The following TXNRD3 variants were observed in gnomAD, a reference collection of about 807,000 sequenced individuals.
TXNRD3 encodes thioredoxin reductase 3, also known as TXNRD3 neighbor gene protein.
A neutral mutation model predicts 78.2 loss-of-function variants in TXNRD3; 68 were observed. That is an observed-to-expected ratio of 0.87 (90% CI 0.72 to 1.06). TXNRD3 has a LOEUF of 1.06. TXNRD3 is among the 50% of genes least tolerant of loss of function. The probability of loss-of-function intolerance (pLI) is 0.00; values close to 1 mark genes in which losing one functional copy is unlikely to be tolerated. For missense variants in TXNRD3, 751 were observed against 809.5 expected, an observed-to-expected ratio of 0.93 and a Z score of 0.88; for synonymous variants, 296 against 300.1, an observed-to-expected ratio of 0.99 and a Z score of 0.14.
chr3:126,632,806 C>A (rs891498205), intron 7 of TXNRD3, among the ~76,000 whole-genome samples: 1 of 152,092 alleles, frequency 6.6e-6, no homozygotes, highest in Admixed American at 6.6e-5. Context: ...GGAGAAAGAG[C>A]CTTGCTTAGA....
rs1031202412 is a variant in TXNRD3, at chr3:126,607,093, T to A, written c.*812A>T. 1 of 152,232 alleles carries A rather than the reference T, an allele frequency of 6.6e-6. No individual in the cohort carries two copies. The highest frequency in any genetic ancestry group is 1.5e-5 in the Non-Finnish European group (1 of 68,048). 9.4% of individuals were successfully genotyped at this position (152,232 alleles called of 1,614,324 possible). A position where few individuals can be genotyped will look rare whatever the true frequency, so the allele number is the denominator to read the frequency against. ...GGAACTTTATCATCATTAAACAGAC[T>A]GTGATGGAATTATTTCACAGATAAA... On this transcript the variant is annotated 3_prime_UTR_variant, in exon 16 of 16. Coordinates refer to ENST00000524230, the MANE Select transcript of TXNRD3 (RefSeq NM_052883.3).
At position 126,654,983 on chromosome 3, in the gene TXNRD3, C is replaced by G; in HGVS notation, c.8G>C (p.Arg3Pro). Reference sequence around the variant, plus strand: ...CGGCCCGGGCGACTGCGGCGGCGACCGCTCCAGAGTCTCGCTCTCGCTCCT... The same window carrying G: ...CGGCCCGGGCGACTGCGGCGGCGACGGCTCCAGAGTCTCGCTCTCGCTCCT... Residue 3 changes from arginine (R) to proline (P), a missense_variant, in exon 1 of 16, where the codon CGG becomes CCG. By Grantham distance (103) the Arg-to-Pro change is moderately radical. Coordinates refer to ENST00000524230, the MANE Select transcript of TXNRD3 (RefSeq NM_052883.3). 7.7e-7 allele frequency: 1 copy of G among 1,300,550 alleles called. No individual in the cohort carries two copies. Among genetic ancestry groups the G allele is most frequent in the Non-Finnish European group, 9.7e-7 (1 of 1,028,980 alleles). 80.6% of individuals were successfully genotyped at this position (1,300,550 alleles called of 1,614,324 possible).
intron 10 of TXNRD3, among the ~76,000 whole-genome samples, chr3:126,625,314 C>T (rs1295465960): frequency 1.6e-4 from 16 of 101,936 alleles, no homozygotes; most frequent in African/African-American, 5.5e-4. Flanking sequence ...CCTCCCCCCA[C>T]CCCACAACAG....
chr3:126,642,398 C>T (rs1485397458), intron 5 of TXNRD3, among the ~76,000 whole-genome samples: 1 of 152,218 alleles, frequency 6.6e-6, no homozygotes, highest in Non-Finnish European at 1.5e-5. Context: ...AAAACTTTCA[C>T]TTCAGTCTGA....
At chr3:126,643,554 G>A (rs1933145324) in intron 5 of TXNRD3, among the ~76,000 whole-genome samples, 1 of 152,130 alleles carries the variant, frequency 6.6e-6, no homozygotes, top group South Asian at 2.1e-4. Context: ...CATACACTGT[G>A]ACCTCAACTA....
At chr3:126,637,222 C>G (rs964204481) in intron 6 of TXNRD3, among the ~76,000 whole-genome samples, 1 of 152,056 alleles carries the variant, frequency 6.6e-6, no homozygotes, top group East Asian at 1.9e-4. Context: ...ACATTATGAC[C>G]ACTAATTTTT....
chr3:126,654,149 T>C (rs929892907), intron 1 of TXNRD3, among the ~76,000 whole-genome samples: 2 of 152,164 alleles, frequency 1.3e-5, no homozygotes, highest in African/African-American at 4.8e-5. Context: ...ATAATATATG[T>C]TTTAAGAAAC....
At chr3:126,633,190 G>T (rs1938764874) in intron 7 of TXNRD3, among the ~76,000 whole-genome samples, 2 of 152,044 alleles carry the variant, frequency 1.3e-5, no homozygotes, top group African/African-American at 4.8e-5. Flanking sequence ...GATATTTACT[G>T]TGTTATACTC....
At position 126,633,868 on chromosome 3, in the gene TXNRD3, TAAAG is replaced by T. The variant is rs978688574; in HGVS notation, c.855+37_855+40del. On this transcript the variant is annotated intron_variant, in intron 7 of 15. Coordinates refer to ENST00000524230, the MANE Select transcript of TXNRD3 (RefSeq NM_052883.3). ...AGTTGAAGGCAAGTATAAACAATTG[TAAAG>T]AAAGGAGATGAACAAGACAAGAAAC... The T allele has an allele frequency of 3.5e-6, 5 of 1,422,660 alleles. No homozygotes were observed. The African/African-American group carries it at 7.2e-5, about 20-fold the overall frequency. 88.1% of individuals were successfully genotyped at this position (1,422,660 alleles called of 1,614,324 possible). A position where few individuals can be genotyped will look rare whatever the true frequency, so the allele number is the denominator to read the frequency against.
intron 13 of TXNRD3, among the ~76,000 whole-genome samples, chr3:126,613,146 C>T (rs1938236063): frequency 6.6e-6 from 1 of 152,170 alleles, no homozygotes; most frequent in Non-Finnish European, 1.5e-5. Context: ...TCTCTGACCC[C>T]ACCCATTTCA....
chr3:126,609,694 T>C (rs1327781700), intron 14 of TXNRD3, among the ~76,000 whole-genome samples: 1 of 152,088 alleles, frequency 6.6e-6, no homozygotes, highest in Non-Finnish European at 1.5e-5. Flanking sequence ...CCTAGGGATC[T>C]GGGCGGGAGC....
rs899223095 is a variant in TXNRD3 at position 126,644,329 on chromosome 3, C to A, written c.487G>T (p.Gly163Cys). ...CATGAAAGGCCTCCAGAACCACCACCGATGATGATGAGATCATAATCATAT... is the reference window on the plus strand; with the variant it reads ...CATGAAAGGCCTCCAGAACCACCACAGATGATGATGAGATCATAATCATAT... The change falls in exon 4 of 16, where the codon GGT becomes TGT. Residue 163 changes from glycine (G) to cysteine (C), a missense_variant. Coordinates refer to ENST00000524230, the MANE Select transcript of TXNRD3 (RefSeq NM_052883.3). The A allele has an allele frequency of 6.5e-7, 1 of 1,536,430 alleles. No individual in the cohort carries two copies. Among genetic ancestry groups the A allele is most frequent in the Admixed American group, 2.0e-5 (1 of 50,992 alleles).
rs1194066762 is a variant in TXNRD3 at position 126,654,661 on chromosome 3, G to A, written c.243+87C>T. Reference sequence around the variant, plus strand: ...CCGCCGCAGCCCGGGACCCGCGGGCGCCCCGGCCCGGACCCGCCCTGCCCC... The same window carrying A: ...CCGCCGCAGCCCGGGACCCGCGGGCACCCCGGCCCGGACCCGCCCTGCCCC... On this transcript the variant is annotated intron_variant, in intron 1 of 15. Coordinates refer to ENST00000524230, the MANE Select transcript of TXNRD3 (RefSeq NM_052883.3). 20 of 884,018 alleles carry A rather than the reference G, an allele frequency of 2.3e-5. 1 individual carries two copies. Among genetic ancestry groups the A allele is most frequent in the African/African-American group, 2.0e-4 (11 of 56,150 alleles). The allele number at this position is 884,018 out of a possible 1,614,324, so 54.8% of individuals were successfully genotyped here.
chr3:126,643,488 C>T (rs554112073), intron 5 of TXNRD3, among the ~76,000 whole-genome samples: 13 of 152,200 alleles, frequency 8.5e-5, no homozygotes, highest in South Asian at 2.1e-4. Context: ...ATTATGAAAC[C>T]GACACAGAAA....
chr3:126,631,905 CT>C, intron 7 of TXNRD3, 26 bp from the exon 8 acceptor site: 1 of 1,459,420 alleles, frequency 6.9e-7, no homozygotes, highest in Non-Finnish European at 9.3e-7. Flanking sequence ...GTAAACCTCA[CT>C]TAGCAAACAC....
chr3:126,632,288 C>G (rs1938736207), intron 7 of TXNRD3, among the ~76,000 whole-genome samples: 1 of 152,064 alleles, frequency 6.6e-6, no homozygotes, highest in Admixed American at 6.6e-5. Flanking sequence ...CAGACTAGAG[C>G]CAAGTGCGAA....
At chr3:126,653,828 C>T (rs897056544) in intron 1 of TXNRD3, among the ~76,000 whole-genome samples, 3 of 152,110 alleles carry the variant, frequency 2.0e-5, no homozygotes, top group Non-Finnish European at 4.4e-5. Flanking sequence ...TACGATTCAT[C>T]CCAGGGAATA....
chr3:126,641,126 C>A (rs1236972483), intron 6 of TXNRD3, among the ~76,000 whole-genome samples: 6 of 152,160 alleles, frequency 3.9e-5, no homozygotes, highest in Non-Finnish European at 5.9e-5. Context: ...ATCATATCCT[C>A]CTCCTCATTT....
chr3:126,628,378 G>A (rs1938628842), intron 10 of TXNRD3, among the ~76,000 whole-genome samples: 1 of 151,956 alleles, frequency 6.6e-6, no homozygotes, highest in South Asian at 2.1e-4. Flanking sequence ...CCAGTAAAAA[G>A]GAAGAAACAA....
Sources: gnomAD v4.1 joint callset for allele counts (sites outside exome capture counted in the v4.1 genomes callset) on GRCh38, gnomAD v4.1.1 for gene constraint, MANE v1.5 for transcripts, NCBI Gene and HGNC (gene_info 2026-07-23, HGNC 2026-07-21) for gene names.